Variants in DSCAML1 observed in about 807,000 individuals in gnomAD.
The protein encoded by DSCAML1 is DS cell adhesion molecule like 1, also known as cell adhesion molecule DSCAML1.
DSCAML1 carries 38 observed loss-of-function variants against 200.5 expected under a neutral mutation model. The observed-to-expected ratio is 0.19, with a 90% CI of 0.15 to 0.25. The LOEUF (loss-of-function observed/expected upper bound fraction) is 0.25, where lower values mean the gene tolerates loss of function less well. Ranked by LOEUF, DSCAML1 falls within the 10% of genes least tolerant of loss-of-function variation. The probability of loss-of-function intolerance (pLI) is 1.00; values close to 1 mark genes in which losing one functional copy is unlikely to be tolerated. For synonymous variants in DSCAML1, 1,215 were observed against 1,165.0 expected (o/e 1.04, Z -0.87); for missense variants, 2,223 against 2,858.8 (o/e 0.78, Z 5.07).
At chr11:117,798,740 A>C (rs1354326113), upstream of DSCAML1, among the ~76,000 whole-genome samples, 1 of 152,098 alleles carries the variant, frequency 6.6e-6, no homozygotes. Context: ...TACTTCACTC[A>C]GCATAATGTT....
chr11:117,634,719 C>A (rs1226523835), intron 3 of DSCAML1, among the ~76,000 whole-genome samples: 1 of 152,214 alleles, frequency 6.6e-6, no homozygotes, highest in Non-Finnish European at 1.5e-5. Flanking sequence ...GCGGTGCCAA[C>A]ACAACTGTCC....
At chr11:117,700,893 C>T (rs1163275492) in intron 3 of DSCAML1, among the ~76,000 whole-genome samples, 1 of 152,250 alleles carries the variant, frequency 6.6e-6, no homozygotes, top group African/African-American at 2.4e-5. Context: ...GGGTTCACCG[C>T]CTACCCTTAA....
rs1327313844 is a variant in DSCAML1, at chr11:117,469,553, T to G, written c.3024+357A>C. ...CATGCTGATGTTAGAAAGGAGGAACTTGGCACAAAATCAAACCTACTTCCA... is the reference window on the plus strand; with the variant it reads ...CATGCTGATGTTAGAAAGGAGGAACGTGGCACAAAATCAAACCTACTTCCA... On this transcript the variant is annotated intron_variant, in intron 16 of 32. Coordinates refer to ENST00000651296, the MANE Select transcript of DSCAML1 (RefSeq NM_020693.4). The surrounding 1 kb of genome is among the most constrained non-coding windows in gnomAD (Gnocchi z 4.1). Among the ~76,000 whole-genome samples the G allele has an allele frequency of 6.6e-6, 1 of 152,136 alleles. No individual in the cohort carries two copies. Among genetic ancestry groups the G allele is most frequent in the East Asian group, 1.9e-4 (1 of 5,200 alleles).
intron 3 of DSCAML1, among the ~76,000 whole-genome samples, chr11:117,761,095 A>C (rs1445789591): frequency 2.0e-5 from 3 of 152,208 alleles, no homozygotes; most frequent in Non-Finnish European, 2.9e-5. Flanking sequence ...TCATCCGATA[A>C]AATGAAGCCA....
intron 23 of DSCAML1, 117 bp downstream of exon 23, chr11:117,439,149 G>T: frequency 6.9e-7 from 1 of 1,443,382 alleles, no homozygotes; most frequent in Non-Finnish European, 9.5e-7. Flanking sequence ...TTTCTCCAGA[G>T]GTCTGTCTCT....
At chr11:117,477,314 T>C (rs527607735) in intron 14 of DSCAML1, among the ~76,000 whole-genome samples, 3 of 151,510 alleles carry the variant, frequency 2.0e-5, no homozygotes, top group Non-Finnish European at 4.4e-5. Context: ...TGGCATATTA[T>C]ACTTGATTGG....
At chr11:117,556,598 C>T (rs1317725614) in intron 3 of DSCAML1, among the ~76,000 whole-genome samples, 1 of 152,266 alleles carries the variant, frequency 6.6e-6, no homozygotes, top group African/African-American at 2.4e-5. Context: ...GACAAAGATG[C>T]ATCCCATGGA....
chr11:117,605,121 T>C (rs2051539030), intron 3 of DSCAML1, among the ~76,000 whole-genome samples: 1 of 152,156 alleles, frequency 6.6e-6, no homozygotes, highest in South Asian at 2.1e-4. Context: ...CTCAAACTCC[T>C]GGGCTCACGC....
At chr11:117,622,185 T>G (rs2051947861) in intron 3 of DSCAML1, among the ~76,000 whole-genome samples, 1 of 152,156 alleles carries the variant, frequency 6.6e-6, no homozygotes, top group South Asian at 2.1e-4. Flanking sequence ...CAGATCCATA[T>G]TTAGCTTTGT....
At position 117,518,453 on chromosome 11, in the gene DSCAML1, T is replaced by C. The variant is rs772627093; in HGVS notation, c.1510+13A>G. On this transcript the variant is annotated intron_variant, in intron 7 of 32. Transcript: ENST00000651296. The surrounding 1 kb of genome is among the most constrained non-coding windows in gnomAD (Gnocchi z 6.3). ...TCAAAAACCTATTCTGATATTTAAA[T>C]GTAGACAGGCACCTCTTACGTTTAT... The C allele has an allele frequency of 6.2e-7, 1 of 1,614,084 alleles. No homozygotes were observed. The highest frequency in any genetic ancestry group is 8.5e-7 in the Non-Finnish European group (1 of 1,180,018).
intron 3 of DSCAML1, among the ~76,000 whole-genome samples, chr11:117,601,815 C>T (rs922306433): frequency 7.9e-5 from 12 of 152,184 alleles, no homozygotes; most frequent in Admixed American, 1.3e-4. Context: ...CCTGGCCTTC[C>T]TCATATTTTC....
intron 3 of DSCAML1, among the ~76,000 whole-genome samples, chr11:117,550,129 T>C (rs2050443628): frequency 6.6e-6 from 1 of 152,318 alleles, no homozygotes; most frequent in East Asian, 1.9e-4. Context: ...CCTTTTACTA[T>C]TAATTTGTAA....
At chr11:117,689,097 C>A (rs927762690) in intron 3 of DSCAML1, among the ~76,000 whole-genome samples, 1 of 152,184 alleles carries the variant, frequency 6.6e-6, no homozygotes, top group Non-Finnish European at 1.5e-5. Flanking sequence ...GGTAACCTCA[C>A]AACAGCTGCA....
At chr11:117,538,544 T>A (rs1376479169) in intron 3 of DSCAML1, among the ~76,000 whole-genome samples, 4 of 152,208 alleles carry the variant, frequency 2.6e-5, no homozygotes, top group African/African-American at 9.6e-5. Flanking sequence ...AGAAGCCTCC[T>A]TGGCAATTCT....
intron 3 of DSCAML1, among the ~76,000 whole-genome samples, chr11:117,750,218 G>C (rs1181089615): frequency 6.6e-6 from 1 of 152,220 alleles, no homozygotes; most frequent in East Asian, 1.9e-4. Flanking sequence ...CTTGTGCCCA[G>C]GGACTCTGTC....
intron 14 of DSCAML1, among the ~76,000 whole-genome samples, chr11:117,473,340 T>C (rs1358939970): frequency 6.6e-6 from 1 of 151,924 alleles, no homozygotes; most frequent in East Asian, 1.9e-4. Context: ...GTACTAAAAA[T>C]ACAAAAATTA....
intron 3 of DSCAML1, among the ~76,000 whole-genome samples, chr11:117,721,384 A>G (rs1440579257): frequency 6.6e-6 from 1 of 152,184 alleles, no homozygotes; most frequent in African/African-American, 2.4e-5. Context: ...CCAGGTGCCA[A>G]GGGTAATAGT....
Position 117,482,103 on chromosome 11 carries a change from C to T in DSCAML1, c.2419G>A (p.Glu807Lys), listed in dbSNP as rs2048937357. The T allele has an allele frequency of 6.2e-7, 1 of 1,614,188 alleles. No individual in the cohort carries two copies. Among genetic ancestry groups the T allele is most frequent in the Non-Finnish European group, 8.5e-7 (1 of 1,180,014 alleles). ...TCACCCCGTGCCGTGCAGTTTAGCTCCTTCGCATGGCCCTTGATGGCGATG... is the reference window on the plus strand; with the variant it reads ...TCACCCCGTGCCGTGCAGTTTAGCTTCTTCGCATGGCCCTTGATGGCGATG... ...TTIAIKGHAK[E>K]LNCTARGERP... Residue 807 changes from glutamate (E) to lysine (K), a missense_variant, in exon 12 of 33, where the codon GAG becomes AAG. This residue lies in a region of DSCAML1 where 438 missense variants were observed against 629.7 expected (regional missense o/e 0.70). Coordinates refer to ENST00000651296, the MANE Select transcript of DSCAML1 (RefSeq NM_020693.4).
chr11:117,766,221 G>A (rs977585370), intron 3 of DSCAML1, among the ~76,000 whole-genome samples: 1 of 152,188 alleles, frequency 6.6e-6, no homozygotes, highest in Non-Finnish European at 1.5e-5. Context: ...ATACACAACA[G>A]AGTTCAAAAT....
Sources: allele counts gnomAD v4.1 joint callset (sites outside exome capture counted in the v4.1 genomes callset), GRCh38; gene constraint gnomAD v4.1.1; regional missense constraint gnomAD v4.1.1; non-coding constraint Gnocchi (gnomAD v3.1); transcripts MANE v1.5; gene names NCBI Gene and HGNC (gene_info 2026-07-23, HGNC 2026-07-21).